TTC27: variants seen among roughly 807,000 people sequenced by gnomAD.
TTC27 encodes the protein tetratricopeptide repeat protein 27.
TTC27 carries 79 observed loss-of-function variants against 115.9 expected under a neutral mutation model. The ratio of observed to expected loss-of-function variants is 0.68; its 90% CI spans 0.57 to 0.82. The LOEUF is 0.82. TTC27 is among the 40% of genes least tolerant of loss of function. The pLI is 0.00. For synonymous variants in TTC27, 401 were observed against 356.0 expected (o/e 1.13, Z -1.42); for missense variants, 1,054 against 993.1 (o/e 1.06, Z -0.82).
At chr2:32,684,044 G>T (rs1348251600) in intron 9 of TTC27, among the ~76,000 whole-genome samples, 1 of 152,138 alleles carries the variant, frequency 6.6e-6, no homozygotes, top group African/African-American at 2.4e-5. Context: ...TATAATCCCA[G>T]CTACTCAGGA....
intron 4 of TTC27, among the ~76,000 whole-genome samples, chr2:32,647,539 A>G (rs954254365): frequency 6.6e-5 from 10 of 152,214 alleles, no homozygotes; most frequent in Non-Finnish European, 1.2e-4. Context: ...GGATTTTGTC[A>G]TGGAGTCAAA....
At chr2:32,794,164 C>T (rs1670626861) in intron 16 of TTC27, among the ~76,000 whole-genome samples, 1 of 152,096 alleles carries the variant, frequency 6.6e-6, no homozygotes, top group Non-Finnish European at 1.5e-5. Context: ...TTCCCAAGTG[C>T]ACATGGGACA....
chr2:32,685,091 C>T (rs1415907492), intron 9 of TTC27, among the ~76,000 whole-genome samples: 4 of 142,526 alleles, frequency 2.8e-5, no homozygotes, highest in South Asian at 2.2e-4. Context: ...AGTGCAATGG[C>T]GCAATCTTGG....
At chr2:32,652,713 T>C (rs1054545250) in intron 5 of TTC27, among the ~76,000 whole-genome samples, 1 of 152,222 alleles carries the variant, frequency 6.6e-6, no homozygotes, top group Non-Finnish European at 1.5e-5. Flanking sequence ...TAACTTTTCA[T>C]GCATGATTTC....
chr2:32,761,106 A>G (rs57861653), intron 13 of TTC27, among the ~76,000 whole-genome samples: 52,891 of 151,716 alleles, frequency 0.35, 9,888 homozygotes, highest in Non-Finnish European at 0.41. Context: ...CCTCACTCCA[A>G]CCTAACATTT....
intron 9 of TTC27, among the ~76,000 whole-genome samples, chr2:32,685,994 ACAAG>A (rs1465297580): frequency 6.6e-6 from 1 of 152,248 alleles, no homozygotes; most frequent in Non-Finnish European, 1.5e-5. Context: ...ACTAGAACTA[ACAAG>A]CAAGTTCTTA....
intron 11 of TTC27, among the ~76,000 whole-genome samples, chr2:32,735,257 A>T (rs1668413960): frequency 1.3e-5 from 2 of 152,228 alleles, no homozygotes; most frequent in African/African-American, 4.8e-5. Context: ...ATATCTCAAA[A>T]GGAATAGCTT....
intron 16 of TTC27, among the ~76,000 whole-genome samples, chr2:32,794,942 A>G (rs139549227): frequency 1.3e-4 from 20 of 152,272 alleles, no homozygotes; most frequent in African/African-American, 4.1e-4. Context: ...AGAATCAGGA[A>G]TCAAAAATCT....
intron 5 of TTC27, among the ~76,000 whole-genome samples, chr2:32,654,910 G>A (rs1665260974): frequency 6.6e-6 from 1 of 151,694 alleles, no homozygotes; most frequent in Non-Finnish European, 1.5e-5. Context: ...TGGCTAGGCT[G>A]GTGTCCAACT....
At position 32,812,160 on chromosome 2, in the gene TTC27, T is replaced by G. The variant is rs144595935; in HGVS notation, c.2197-344T>G. 2.3e-3 allele frequency among the ~76,000 whole-genome samples: 355 copies of G among 152,336 alleles called. 2 individuals carry two copies. The highest frequency in any genetic ancestry group is 7.9e-3 in the African/African-American group (330 of 41,572). On this transcript the variant is annotated intron_variant, in intron 17 of 19. Coordinates refer to ENST00000317907, the MANE Select transcript of TTC27 (RefSeq NM_017735.5). Reference sequence around the variant, plus strand: ...ATATATCTACCAGCAGTTTCATTGTTTTAACCAAGTTCATGCCTCATTCTC... The same window carrying G: ...ATATATCTACCAGCAGTTTCATTGTGTTAACCAAGTTCATGCCTCATTCTC...
intron 16 of TTC27, among the ~76,000 whole-genome samples, chr2:32,807,142 A>G (rs965231451): frequency 4.7e-4 from 72 of 152,134 alleles, no homozygotes; most frequent in Non-Finnish European, 2.1e-4. Flanking sequence ...AAGTCTAATA[A>G]ATGAATATTC....
chr2:32,720,970 GT>G (rs1477524593), intron 10 of TTC27, among the ~76,000 whole-genome samples: 1 of 152,172 alleles, frequency 6.6e-6, no homozygotes, highest in Non-Finnish European at 1.5e-5. Flanking sequence ...AACTATTTGT[GT>G]GAGTAGAGAA....
chr2:32,689,580 T>C (rs909325035), intron 9 of TTC27, among the ~76,000 whole-genome samples: 1 of 152,156 alleles, frequency 6.6e-6, no homozygotes, highest in Non-Finnish European at 1.5e-5. Context: ...CCCATATATT[T>C]TTGGAAACCT....
intron 10 of TTC27, among the ~76,000 whole-genome samples, chr2:32,724,967 G>T (rs200182277): frequency 1.3e-5 from 2 of 152,164 alleles, no homozygotes; most frequent in East Asian, 3.8e-4. Flanking sequence ...TTACGTGGAT[G>T]GCAGCAGACA....
At chr2:32,649,840 G>A (rs1046065377) in intron 4 of TTC27, among the ~76,000 whole-genome samples, 28 of 151,770 alleles carry the variant, frequency 1.8e-4, no homozygotes, top group Middle Eastern at 3.2e-3. Context: ...CATCGCACCC[G>A]GCCACAACAT....
Position 32,666,775 on chromosome 2 carries a change from A to C in TTC27, c.939+7A>C, listed in dbSNP as rs771765497. ...TCAGGAACATTTAACCAAGGCAAGT[A>C]GGACATTAAGTTATTAAATTCAATT... On this transcript the variant is annotated splice_region_variant and intron_variant, in intron 7 of 19. Coordinates refer to ENST00000317907, the MANE Select transcript of TTC27 (RefSeq NM_017735.5). The C allele has an allele frequency of 6.2e-7, 1 of 1,610,842 alleles. No individual in the cohort carries two copies. Among genetic ancestry groups the C allele is most frequent in the Non-Finnish European group, 8.5e-7 (1 of 1,178,608 alleles).
chr2:32,770,816 T>C (rs912239771), intron 13 of TTC27, among the ~76,000 whole-genome samples: 17 of 152,226 alleles, frequency 1.1e-4, no homozygotes, highest in African/African-American at 3.6e-4. Context: ...TTGAAATGGA[T>C]TTATATCGTT....
At chr2:32,733,090 G>A (rs1668346687) in intron 10 of TTC27, among the ~76,000 whole-genome samples, 1 of 152,198 alleles carries the variant, frequency 6.6e-6, no homozygotes, top group Admixed American at 6.5e-5. Context: ...GAATACATGA[G>A]CTCTTCTATG....
At chr2:32,628,632 C>T (rs959822648) in intron 1 of TTC27, among the ~76,000 whole-genome samples, 1 of 152,192 alleles carries the variant, frequency 6.6e-6, no homozygotes, top group Non-Finnish European at 1.5e-5. Context: ...TTAACATGTA[C>T]TCAGTCATTT....
Sources: gnomAD v4.1 joint callset for allele counts (sites outside exome capture counted in the v4.1 genomes callset) on GRCh38, gnomAD v4.1.1 for gene constraint, MANE v1.5 for transcripts, NCBI Gene and HGNC (gene_info 2026-07-23, HGNC 2026-07-21) for gene names.